Variants in AUTS2 observed in about 807,000 individuals in gnomAD.
AUTS2 encodes activator of transcription and developmental regulator AUTS2.
AUTS2 carries 17 observed loss-of-function variants against 112.4 expected under a neutral mutation model. The observed-to-expected ratio is 0.15, with a 90% CI of 0.10 to 0.23. The LOEUF (loss-of-function observed/expected upper bound fraction) is 0.23, where lower values mean the gene tolerates loss of function less well. Ranked by LOEUF, AUTS2 falls within the 10% of genes least tolerant of loss-of-function variation. The pLI is 1.00. For synonymous variants in AUTS2, 751 were observed against 702.7 expected (o/e 1.07, Z -1.09); for missense variants, 1,510 against 1,701.6 (o/e 0.89, Z 1.98).
chr7:70,510,159 G>A (rs1799123771), intron 5 of AUTS2, among the ~76,000 whole-genome samples: 1 of 152,172 alleles, frequency 6.6e-6, no homozygotes, highest in Non-Finnish European at 1.5e-5. Context: ...GCTTCCTCCT[G>A]TGAGCCATTC....
intron 6 of AUTS2, among the ~76,000 whole-genome samples, chr7:70,729,841 CTGTT>C (rs1787262035): frequency 6.7e-6 from 1 of 149,480 alleles, no homozygotes; most frequent in Admixed American, 6.7e-5. Flanking sequence ...GATCATGACA[CTGTT>C]TGCCCATTGT....
At chr7:70,258,251 T>C (rs1274604653) in intron 4 of AUTS2, among the ~76,000 whole-genome samples, 1 of 152,178 alleles carries the variant, frequency 6.6e-6, no homozygotes, top group East Asian at 1.9e-4. Context: ...TGTTGAGCAG[T>C]AACAACTGTA....
chr7:69,838,755 A>T (rs1360303614), intron 1 of AUTS2, among the ~76,000 whole-genome samples: 4 of 152,182 alleles, frequency 2.6e-5, no homozygotes, highest in Non-Finnish European at 5.9e-5. Context: ...CTGTGGTTTA[A>T]GTGGGATAGG....
chr7:70,603,504 C>T (rs964743847), intron 5 of AUTS2, among the ~76,000 whole-genome samples: 2 of 147,356 alleles, frequency 1.4e-5, no homozygotes, highest in Non-Finnish European at 2.9e-5. Context: ...GTGCTGTGCC[C>T]TCCTGCAGCC....
chr7:70,639,454 C>A (rs1359173480), intron 5 of AUTS2, among the ~76,000 whole-genome samples: 1 of 151,152 alleles, frequency 6.6e-6, no homozygotes, highest in Non-Finnish European at 1.5e-5. Context: ...TATCTTTACC[C>A]ACCAATAAAT....
At chr7:69,621,407 T>C (rs1282652675) in intron 1 of AUTS2, among the ~76,000 whole-genome samples, 1 of 149,316 alleles carries the variant, frequency 6.7e-6, no homozygotes, top group African/African-American at 2.5e-5. Context: ...CTCCACTTTA[T>C]CTTTGGATGT....
chr7:70,246,486 A>G (rs1039208167), intron 4 of AUTS2, among the ~76,000 whole-genome samples: 1 of 152,190 alleles, frequency 6.6e-6, no homozygotes, highest in African/African-American at 2.4e-5. Context: ...CTGATGGACC[A>G]ACTGTCATAA....
intron 4 of AUTS2, among the ~76,000 whole-genome samples, chr7:70,161,899 T>C (rs1808095403): frequency 6.6e-6 from 1 of 152,252 alleles, no homozygotes; most frequent in Middle Eastern, 3.4e-3. Flanking sequence ...AGAAAAATAC[T>C]GTTGGAGTTA....
intron 4 of AUTS2, among the ~76,000 whole-genome samples, chr7:70,393,607 G>T (rs142358837): frequency 6.6e-6 from 1 of 152,078 alleles, no homozygotes; most frequent in Non-Finnish European, 1.5e-5. Context: ...CTGTCCTTGC[G>T]AAGACGATAG....
chr7:70,463,018 C>T (rs1216682159), intron 5 of AUTS2, among the ~76,000 whole-genome samples: 1 of 151,966 alleles, frequency 6.6e-6, no homozygotes, highest in Non-Finnish European at 1.5e-5. Flanking sequence ...GGTTCTCCAA[C>T]TACCTGAGCC....
At chr7:70,699,392 C>T (rs1809320072) in intron 6 of AUTS2, 1 of 152,176 alleles carries the variant, frequency 6.6e-6, no homozygotes, top group Non-Finnish European at 1.5e-5. Flanking sequence ...TAAAGATGTG[C>T]TTTCTGTGAT....
chr7:70,417,387 C>CGT (rs1192804354), intron 4 of AUTS2, among the ~76,000 whole-genome samples: 14 of 152,264 alleles, frequency 9.2e-5, no homozygotes, highest in African/African-American at 2.9e-4. Context: ...CATAGCTGAC[C>CGT]GTGGCAATGG....
intron 5 of AUTS2, among the ~76,000 whole-genome samples, chr7:70,520,697 TG>T (rs1472417821): frequency 6.6e-6 from 1 of 152,246 alleles, no homozygotes; most frequent in African/African-American, 2.4e-5. Context: ...AGACCTTGTC[TG>T]GGTGCTCACT....
intron 6 of AUTS2, among the ~76,000 whole-genome samples, chr7:70,741,552 G>T (rs546795482): frequency 6.6e-6 from 1 of 151,946 alleles, no homozygotes; most frequent in Non-Finnish European, 1.5e-5. Flanking sequence ...TTATCCGGGC[G>T]TGGTGGCACA....
At chr7:70,509,304 C>T (rs1252622128) in intron 5 of AUTS2, among the ~76,000 whole-genome samples, 1 of 152,142 alleles carries the variant, frequency 6.6e-6, no homozygotes, top group Non-Finnish European at 1.5e-5. Flanking sequence ...CCCATAAGTC[C>T]ATTTAGAATC....
intron 1 of AUTS2, among the ~76,000 whole-genome samples, chr7:69,833,188 C>T (rs564849471): frequency 1.3e-5 from 2 of 152,170 alleles, no homozygotes; most frequent in Admixed American, 1.3e-4. Flanking sequence ...TTTAGGTCCT[C>T]CAGTGATGTC....
At chr7:70,136,467 C>G (rs556812148) in intron 4 of AUTS2, among the ~76,000 whole-genome samples, 5 of 152,106 alleles carry the variant, frequency 3.3e-5, no homozygotes, top group Non-Finnish European at 1.5e-5. Flanking sequence ...ACTTTCTTTC[C>G]AATAGTATCA....
At chr7:70,085,284 C>T (rs1156978452) in intron 2 of AUTS2, among the ~76,000 whole-genome samples, 1 of 151,898 alleles carries the variant, frequency 6.6e-6, no homozygotes, top group African/African-American at 2.4e-5. Flanking sequence ...ACAGTTTTAA[C>T]TTTTACATTT....
At chr7:70,581,556 A>G (rs1041474224) in intron 5 of AUTS2, among the ~76,000 whole-genome samples, 1 of 152,158 alleles carries the variant, frequency 6.6e-6, no homozygotes, top group East Asian at 1.9e-4. Context: ...AGAAAAAAAA[A>G]TGTTGAGATT....
Sources: allele counts gnomAD v4.1 joint callset (sites outside exome capture counted in the v4.1 genomes callset), GRCh38; gene constraint gnomAD v4.1.1; transcripts MANE v1.5; gene names NCBI Gene and HGNC (gene_info 2026-07-23, HGNC 2026-07-21).